The following SPIDR variants were observed in gnomAD, a reference collection of about 807,000 sequenced individuals.
SPIDR encodes DNA repair-scaffolding protein.
Under a neutral mutation model 104.6 loss-of-function variants are expected in SPIDR, and 93 were observed. The ratio of observed to expected loss-of-function variants is 0.89; its 90% CI spans 0.75 to 1.06. SPIDR has a LOEUF of 1.06. SPIDR is among the 50% of genes least tolerant of loss of function. SPIDR has a pLI of 0.00. For missense variants in SPIDR, 1,154 were observed against 1,111.2 expected, an observed-to-expected ratio of 1.04 and a Z score of -0.55; for synonymous variants, 431 against 416.9, an observed-to-expected ratio of 1.03 and a Z score of -0.41.
chr8:47,479,368 AAAAG>A (rs1484032972), intron 8 of SPIDR, among the ~76,000 whole-genome samples: 33 of 152,088 alleles, frequency 2.2e-4, no homozygotes, highest in African/African-American at 5.3e-4. Context: ...AAAAAAAAAA[AAAAG>A]AAAGAAAGGA....
chr8:47,554,528 G>C (rs1389512592), intron 8 of SPIDR, among the ~76,000 whole-genome samples: 1 of 152,210 alleles, frequency 6.6e-6, no homozygotes, highest in Non-Finnish European at 1.5e-5. Context: ...GCTAGGCTCC[G>C]TGGGCATGGA....
intron 8 of SPIDR, among the ~76,000 whole-genome samples, chr8:47,458,322 A>AGTATT (rs2073343258): frequency 1.7e-5 from 2 of 120,338 alleles, no homozygotes; most frequent in Admixed American, 9.3e-5. Flanking sequence ...CATATTCCTA[A>AGTATT]GTATTTTATT....
At chr8:47,457,549 C>T (rs1484315936) in intron 8 of SPIDR, among the ~76,000 whole-genome samples, 2 of 152,088 alleles carry the variant, frequency 1.3e-5, no homozygotes, top group East Asian at 1.9e-4. Flanking sequence ...TGTGAGTTGT[C>T]TGTTACTTTG....
At chr8:47,673,592 G>A (rs1186083574) in intron 10 of SPIDR, 11 of 630,988 alleles carry the variant, frequency 1.7e-5, no homozygotes, top group South Asian at 3.4e-5. Context: ...TGAATTCAAC[G>A]TTTTTTTAAT....
intron 11 of SPIDR, among the ~76,000 whole-genome samples, chr8:47,680,067 T>G (rs991523257): frequency 5.3e-5 from 8 of 152,140 alleles, no homozygotes; most frequent in African/African-American, 7.2e-5. Flanking sequence ...CTGTGTGCGG[T>G]GCAGGTGACA....
At chr8:47,398,724 A>G (rs1160629256) in intron 6 of SPIDR, among the ~76,000 whole-genome samples, 1 of 152,180 alleles carries the variant, frequency 6.6e-6, no homozygotes, top group Non-Finnish European at 1.5e-5. Context: ...AGATCTTTTG[A>G]AGCATGAGCT....
intron 5 of SPIDR, among the ~76,000 whole-genome samples, chr8:47,390,865 T>G (rs144753836): frequency 6.6e-6 from 1 of 152,184 alleles, no homozygotes; most frequent in African/African-American, 2.4e-5. Flanking sequence ...CCAAAACTTA[T>G]GGCCCTCCTT....
At chr8:47,700,795 T>A (rs1191052173) in intron 12 of SPIDR, among the ~76,000 whole-genome samples, 1 of 152,230 alleles carries the variant, frequency 6.6e-6, no homozygotes, top group Non-Finnish European at 1.5e-5. Flanking sequence ...GGTCTCAGCC[T>A]TGTACTAAAG....
chr8:47,343,483 G>T (rs1191409425), intron 5 of SPIDR, among the ~76,000 whole-genome samples: 1 of 152,164 alleles, frequency 6.6e-6, no homozygotes, highest in Non-Finnish European at 1.5e-5. Flanking sequence ...GAACTTACGG[G>T]AAGCTGCTTT....
Position 47,712,764 on chromosome 8 carries a change from C to T in SPIDR, c.2080C>T (p.Leu694=). ...GAGAGACCCCAGGCTCCCCAAAACC[C>T]TGCTGGTCTATGTGGCCCCCTTGTG... ...EERDPRLPKT[L]LVYVAPLCVL... The change falls in exon 15 of 20, where the codon CTG becomes TTG. Residue 694 remains leucine (L), a synonymous_variant. Coordinates refer to ENST00000297423, the MANE Select transcript of SPIDR (RefSeq NM_001080394.4). The T allele has an allele frequency of 1.9e-6, 3 of 1,614,188 alleles. No individual in the cohort carries two copies. Among genetic ancestry groups the T allele is most frequent in the South Asian group, 2.2e-5 (2 of 91,084 alleles).
chr8:47,396,235 A>T, intron 5 of SPIDR, 141 bp from the exon 6 acceptor site: 2 of 720,258 alleles, frequency 2.8e-6, no homozygotes, highest in Non-Finnish European at 4.4e-6. Context: ...AACAGAAGTT[A>T]AAGCTGCAGA....
At chr8:47,481,372 C>A (rs1408212583) in intron 8 of SPIDR, among the ~76,000 whole-genome samples, 1 of 152,196 alleles carries the variant, frequency 6.6e-6, no homozygotes, top group Non-Finnish European at 1.5e-5. Context: ...TGCGTTGGCT[C>A]ATGCCTGTAA....
At chr8:47,689,402 C>T (rs936637043) in intron 11 of SPIDR, among the ~76,000 whole-genome samples, 11 of 152,248 alleles carry the variant, frequency 7.2e-5, no homozygotes, top group South Asian at 2.1e-4. Context: ...CAAGAGCTAC[C>T]GTTTATCGCA....
intron 6 of SPIDR, among the ~76,000 whole-genome samples, chr8:47,401,581 G>A (rs1554662878): frequency 6.6e-6 from 1 of 152,098 alleles, no homozygotes; most frequent in Non-Finnish European, 1.5e-5. Context: ...CTGTATTCAG[G>A]AAACCCATCT....
At chr8:47,584,602 A>G (rs913725977) in intron 8 of SPIDR, among the ~76,000 whole-genome samples, 3 of 152,230 alleles carry the variant, frequency 2.0e-5, no homozygotes, top group African/African-American at 7.2e-5. Context: ...CAGAACATAC[A>G]TAGTTCTAAT....
rs2064419288 is a variant in SPIDR, at chr8:47,416,908, GAGT to G, written c.877+8948_877+8950del. 2.8e-5 allele frequency among the ~76,000 whole-genome samples: 3 copies of G among 106,090 alleles called. No individual in the cohort carries two copies. In the South Asian group the frequency reaches 7.5e-4, roughly 27 times the overall value. 69.6% of individuals were successfully genotyped at this position (106,090 alleles called of 152,430 possible). ...TTTTGTCCTTGCGATAATTTGCTGA[GAGT>G]GATGGTTTCCAGCTTCATCCATGTC... On this transcript the variant is annotated intron_variant, in intron 7 of 19. Transcript: ENST00000297423.
intron 8 of SPIDR, among the ~76,000 whole-genome samples, chr8:47,564,940 C>T (rs1276740611): frequency 6.6e-6 from 1 of 151,936 alleles, no homozygotes; most frequent in Non-Finnish European, 1.5e-5. Flanking sequence ...GGCTTATTGC[C>T]TTTGTGTAAA....
At chr8:47,488,230 G>A (rs959527101) in intron 8 of SPIDR, among the ~76,000 whole-genome samples, 19 of 152,116 alleles carry the variant, frequency 1.2e-4, no homozygotes, top group African/African-American at 3.1e-4. Context: ...ACACCTCTAC[G>A]CAAATAAACT....
chr8:47,695,551 C>G (rs766649133), intron 11 of SPIDR, among the ~76,000 whole-genome samples: 49 of 152,208 alleles, frequency 3.2e-4, no homozygotes, highest in Non-Finnish European at 5.0e-4. Flanking sequence ...TTTAAATTGT[C>G]CTGTGAAGAT....
Sources: allele counts gnomAD v4.1 joint callset (sites outside exome capture counted in the v4.1 genomes callset), GRCh38; gene constraint gnomAD v4.1.1; transcripts MANE v1.5; gene names NCBI Gene and HGNC (gene_info 2026-07-23, HGNC 2026-07-21).